The following SV2C variants were observed in gnomAD, a reference collection of about 807,000 sequenced individuals.
SV2C encodes the protein synaptic vesicle glycoprotein 2C, also known as solute carrier family 22 member B3.
SV2C carries 49 observed loss-of-function variants against 79.7 expected under a neutral mutation model. The ratio of observed to expected loss-of-function variants is 0.61; its 90% confidence interval spans 0.49 to 0.78. The LOEUF (loss-of-function observed/expected upper bound fraction) is 0.78, where lower values mean the gene tolerates loss of function less well. SV2C is among the 30% of genes least tolerant of loss of function. SV2C has a pLI of 0.00. For missense variants in SV2C, 833 were observed against 912.9 expected (o/e 0.91, Z 1.13); for synonymous variants, 334 against 333.2 (o/e 1.00, Z -0.03).
At chr5:76,036,453 C>A in the SV2C span, among the ~76,000 whole-genome samples, 6 of 152,000 alleles carry the variant, frequency 3.9e-5, no homozygotes, top group African/African-American at 1.5e-4. Flanking sequence ...GTGACAAAAT[C>A]TCTCAGCATT....
the SV2C span, among the ~76,000 whole-genome samples, chr5:76,035,606 T>C: frequency 3.4e-5 from 2 of 58,730 alleles, no homozygotes; most frequent in Non-Finnish European, 5.9e-5. Flanking sequence ...TGCACTGTGA[T>C]CTGAGAGATA....
the SV2C span, among the ~76,000 whole-genome samples, chr5:75,932,852 G>A: frequency 6.6e-6 from 1 of 152,216 alleles, no homozygotes; most frequent in South Asian, 2.1e-4. Flanking sequence ...CTTAGGTCCT[G>A]TTCCCCCCAT....
At chr5:75,957,296 T>A in the SV2C span, among the ~76,000 whole-genome samples, 4 of 151,984 alleles carry the variant, frequency 2.6e-5, no homozygotes, top group African/African-American at 9.7e-5. Flanking sequence ...TGGTTCCCAG[T>A]GTATCTTTGT....
At chr5:76,025,131 T>G in the SV2C span, among the ~76,000 whole-genome samples, 4 of 150,076 alleles carry the variant, frequency 2.7e-5, no homozygotes, top group African/African-American at 4.9e-5. Context: ...CAAAGTGTAA[T>G]AAAATATCAT....
exon 13 of SV2C, chr5:76,353,198 G>A (rs764350300): frequency 4.9e-6 from 2 of 407,450 alleles, no homozygotes; most frequent in Admixed American, 2.6e-5. Context: ...TCCTGCCTCA[G>A]CCTCCCAAAG....
chr5:76,028,517 A>G, the SV2C span, among the ~76,000 whole-genome samples: 10 of 152,210 alleles, frequency 6.6e-5, no homozygotes, highest in African/African-American at 2.4e-4. Context: ...TTATAGCACA[A>G]ATGAAAATGT....
chr5:75,883,878 G>A, the SV2C span, among the ~76,000 whole-genome samples: 5 of 151,478 alleles, frequency 3.3e-5, no homozygotes, highest in African/African-American at 1.2e-4. Context: ...TTTCTTTCAG[G>A]TGTATTTCTG....
intron 3 of SV2C, 105 bp downstream of exon 3, chr5:76,195,204 C>G (rs1221174226): frequency 2.6e-6 from 3 of 1,170,944 alleles, no homozygotes; most frequent in Non-Finnish European, 3.6e-6. Flanking sequence ...ACATCTCCTT[C>G]CATATCCTCA....
intron 4 of SV2C, among the ~76,000 whole-genome samples, chr5:76,227,188 G>T (rs1429265945): frequency 1.3e-5 from 2 of 152,104 alleles, no homozygotes; most frequent in East Asian, 1.9e-4. Context: ...AAGCCAAACT[G>T]CATGACGGCC....
At chr5:76,249,266 T>C (rs1023658227) in intron 4 of SV2C, among the ~76,000 whole-genome samples, 3 of 152,210 alleles carry the variant, frequency 2.0e-5, no homozygotes, top group Admixed American at 1.3e-4. Context: ...TCTGAGTTTA[T>C]GAAAATGTTA....
At chr5:76,288,678 C>T (rs965529695) in intron 6 of SV2C, among the ~76,000 whole-genome samples, 1 of 152,034 alleles carries the variant, frequency 6.6e-6, no homozygotes, top group Non-Finnish European at 1.5e-5. Flanking sequence ...CCACTAATGG[C>T]GATGTGTTAA....
At chr5:75,926,483 C>G in the SV2C span, among the ~76,000 whole-genome samples, 1 of 152,112 alleles carries the variant, frequency 6.6e-6, no homozygotes, top group Non-Finnish European at 1.5e-5. Context: ...GCACATAAAT[C>G]TTTTCCATTT....
intron 4 of SV2C, among the ~76,000 whole-genome samples, chr5:76,232,277 A>G (rs1295533492): frequency 2.0e-5 from 3 of 148,254 alleles, no homozygotes; most frequent in Non-Finnish European, 4.4e-5. Flanking sequence ...CCACTTTTTG[A>G]TGGGGTTGTT....
chr5:75,901,866 C>G, the SV2C span, among the ~76,000 whole-genome samples: 2 of 152,222 alleles, frequency 1.3e-5, no homozygotes, highest in Non-Finnish European at 2.9e-5. Flanking sequence ...ATCAGTGAGA[C>G]TCCGTGGGCA....
At chr5:75,881,699 T>C in the SV2C span, among the ~76,000 whole-genome samples, 3 of 152,062 alleles carry the variant, frequency 2.0e-5, no homozygotes, top group East Asian at 5.8e-4. Context: ...GATTTTGGGC[T>C]GAGACAATGG....
chr5:76,020,034 T>C, the SV2C span, among the ~76,000 whole-genome samples: 1 of 152,192 alleles, frequency 6.6e-6, no homozygotes, highest in African/African-American at 2.4e-5. Flanking sequence ...AGGAGCCTAC[T>C]GAGGCTGTGT....
At chr5:76,236,379 A>G (rs1166256684) in intron 4 of SV2C, among the ~76,000 whole-genome samples, 1 of 152,078 alleles carries the variant, frequency 6.6e-6, no homozygotes, top group Admixed American at 6.6e-5. Flanking sequence ...CCTGGTCAGC[A>G]TGGTGAAACC....
the SV2C span, among the ~76,000 whole-genome samples, chr5:75,899,828 CT>C: frequency 6.6e-6 from 1 of 152,022 alleles, no homozygotes; most frequent in African/African-American, 2.4e-5. Flanking sequence ...TAATGGCCTT[CT>C]TTGTCTCTTT....
At chr5:76,297,623 C>G (rs1747820330) in intron 9 of SV2C, among the ~76,000 whole-genome samples, 1 of 151,974 alleles carries the variant, frequency 6.6e-6, no homozygotes, top group Non-Finnish European at 1.5e-5. Context: ...TACTCTGGGT[C>G]CCTGGAGTGG....
Sources: allele counts gnomAD v4.1 joint callset (sites outside exome capture counted in the v4.1 genomes callset), GRCh38; gene constraint gnomAD v4.1.1; transcripts MANE v1.5; gene names NCBI Gene and HGNC (gene_info 2026-07-23, HGNC 2026-07-21).